Variants in BCKDHB observed in about 807,000 individuals in gnomAD.
The protein encoded by BCKDHB is branched chain keto acid dehydrogenase E1 subunit beta, also known as 2-oxoisovalerate dehydrogenase subunit beta, mitochondrial.
A neutral mutation model predicts 48.5 loss-of-function variants in BCKDHB; 41 were observed. The observed-to-expected ratio is 0.85, with a 90% CI of 0.66 to 1.10. The LOEUF (loss-of-function observed/expected upper bound fraction) is 1.10, where lower values mean the gene tolerates loss of function less well. Ranked by LOEUF, BCKDHB falls within the 50% of genes least tolerant of loss-of-function variation. BCKDHB has a pLI of 0.00. For synonymous variants in BCKDHB, 201 were observed against 174.8 expected, an observed-to-expected ratio of 1.15 and a Z score of -1.18; for missense variants, 496 against 494.2, an observed-to-expected ratio of 1.00 and a Z score of -0.03.
At chr6:80,239,275 T>A (rs1482596925) in intron 8 of BCKDHB, among the ~76,000 whole-genome samples, 1 of 152,200 alleles carries the variant, frequency 6.6e-6, no homozygotes, top group Admixed American at 6.5e-5. Context: ...GTTTCCTGAC[T>A]TTTTAATGAT....
chr6:80,186,593 T>A (rs897376901), intron 6 of BCKDHB, among the ~76,000 whole-genome samples: 2 of 152,198 alleles, frequency 1.3e-5, no homozygotes, highest in Non-Finnish European at 2.9e-5. Flanking sequence ...ATATGTGCAC[T>A]TCCCATTTGC....
the BCKDHB span, among the ~76,000 whole-genome samples, chr6:80,390,972 G>A: frequency 2.6e-5 from 4 of 151,974 alleles, no homozygotes; most frequent in Non-Finnish European, 5.9e-5. Context: ...GGAGAGAGTG[G>A]CCTAGCCTCC....
the BCKDHB span, among the ~76,000 whole-genome samples, chr6:80,380,571 AAAACAGAC>A: frequency 6.6e-6 from 1 of 152,032 alleles, no homozygotes; most frequent in African/African-American, 2.4e-5. Context: ...AACAAAAGCA[AAAACAGAC>A]AAACAGACTC....
intron 8 of BCKDHB, among the ~76,000 whole-genome samples, chr6:80,235,966 A>T (rs1776130146): frequency 2.0e-5 from 3 of 152,210 alleles, no homozygotes; most frequent in African/African-American, 7.2e-5. Flanking sequence ...TGCCAGTAAG[A>T]TCAGGCAATG....
At chr6:80,428,604 G>A in the BCKDHB span, among the ~76,000 whole-genome samples, 2,503 of 152,200 alleles carry the variant, frequency 0.016, 34 homozygotes, top group African/African-American at 0.025. Context: ...ATTTTGATTA[G>A]CATTTCTCTA....
At chr6:80,209,278 G>A (rs1774812250) in intron 8 of BCKDHB, among the ~76,000 whole-genome samples, 1 of 151,732 alleles carries the variant, frequency 6.6e-6, no homozygotes, top group Non-Finnish European at 1.5e-5. Context: ...TTCGTGATAC[G>A]TATGTCAGAA....
chr6:80,343,538 C>A, intron 9 of BCKDHB, 126 bp from the exon 10 acceptor site: 1 of 1,066,870 alleles, frequency 9.4e-7, no homozygotes, highest in Non-Finnish European at 1.4e-6. Flanking sequence ...TTACAGTATA[C>A]TTAAATATTT....
At chr6:80,371,297 ACTGT>A in the BCKDHB span, among the ~76,000 whole-genome samples, 1 of 151,976 alleles carries the variant, frequency 6.6e-6, no homozygotes, top group African/African-American at 2.4e-5. Context: ...TTTTTTGAGA[ACTGT>A]CTATTCATGT....
At chr6:80,457,843 A>G in the BCKDHB span, among the ~76,000 whole-genome samples, 1 of 152,132 alleles carries the variant, frequency 6.6e-6, no homozygotes, top group Non-Finnish European at 1.5e-5. Flanking sequence ...TCAAAGACAA[A>G]TGTTTCCCCT....
chr6:80,159,389 A>T (rs1452957492), intron 3 of BCKDHB, among the ~76,000 whole-genome samples: 3 of 152,216 alleles, frequency 2.0e-5, no homozygotes, highest in Non-Finnish European at 4.4e-5. Flanking sequence ...AATTATTTTT[A>T]GTAACTCCTC....
At chr6:80,424,168 C>T in the BCKDHB span, among the ~76,000 whole-genome samples, 15 of 152,098 alleles carry the variant, frequency 9.9e-5, no homozygotes, top group African/African-American at 3.4e-4. Context: ...TCAGTGTTAT[C>T]AAGAATTTTT....
chr6:80,343,668 A>C lies in BCKDHB; in HGVS notation c.1043A>C (p.Glu348Ala). The C allele has an allele frequency of 6.2e-7, 1 of 1,613,990 alleles. No homozygotes were observed. Among genetic ancestry groups the C allele is most frequent in the Non-Finnish European group, 8.5e-7 (1 of 1,179,962 alleles). ...ASEISSTVQE[E>A]CFLNLEAPIS... ...GCATCCTGACTCTGTCTGCAGGAGG[A>C]ATGTTTCTTGAACCTAGAGGCTCCT... is the stretch of plus-strand genomic sequence containing the variant. The change falls in exon 10 of 10, where the codon GAA becomes GCA. Residue 348 changes from glutamate to alanine, a missense_variant. Transcript: ENST00000320393.
chr6:80,379,304 A>G, the BCKDHB span, among the ~76,000 whole-genome samples: 76 of 152,242 alleles, frequency 5.0e-4, no homozygotes, highest in South Asian at 0.016. Flanking sequence ...AATAAACACG[A>G]TTCACCATAT....
At chr6:80,219,986 A>G in intron 8 of BCKDHB, among the ~76,000 whole-genome samples, 1 of 152,080 alleles carries the variant, frequency 6.6e-6, no homozygotes, top group East Asian at 1.9e-4. Context: ...TACAGGTGTG[A>G]ATCTAAATAT....
At chr6:80,417,524 G>T in the BCKDHB span, among the ~76,000 whole-genome samples, 1 of 152,166 alleles carries the variant, frequency 6.6e-6, no homozygotes, top group South Asian at 2.1e-4. Flanking sequence ...TTCTTGTAAG[G>T]CAAGTCTGGG....
intron 3 of BCKDHB, among the ~76,000 whole-genome samples, chr6:80,134,335 T>C (rs560098025): frequency 6.6e-6 from 1 of 152,308 alleles, no homozygotes; most frequent in South Asian, 2.1e-4. Flanking sequence ...AAAACTAATA[T>C]AACCACTTAC....
chr6:80,397,701 G>T, the BCKDHB span, among the ~76,000 whole-genome samples: 4 of 152,112 alleles, frequency 2.6e-5, no homozygotes, highest in African/African-American at 9.7e-5. Context: ...GTCCAACATG[G>T]TGTAACCCCA....
At chr6:80,157,090 C>T (rs1772079281) in intron 3 of BCKDHB, among the ~76,000 whole-genome samples, 1 of 152,072 alleles carries the variant, frequency 6.6e-6, no homozygotes, top group South Asian at 2.1e-4. Flanking sequence ...AAACCTCAGT[C>T]TATGATACTG....
At chr6:80,438,363 G>C in the BCKDHB span, among the ~76,000 whole-genome samples, 1 of 152,094 alleles carries the variant, frequency 6.6e-6, no homozygotes, top group Non-Finnish European at 1.5e-5. Flanking sequence ...GTATTGATAG[G>C]TGTTTACATT....
Sources: gnomAD v4.1 joint callset for allele counts (sites outside exome capture counted in the v4.1 genomes callset) on GRCh38, gnomAD v4.1.1 for gene constraint, MANE v1.5 for transcripts, NCBI Gene and HGNC (gene_info 2026-07-23, HGNC 2026-07-21) for gene names.